SEMA5A: variants seen among roughly 807,000 people sequenced by gnomAD.
SEMA5A encodes semaphorin-5A.
In SEMA5A, 55 loss-of-function variants were observed where a neutral mutation model predicts 135.5. The ratio of observed to expected loss-of-function variants is 0.41; its 90% CI spans 0.33 to 0.51. The LOEUF is 0.51. Among genes scored for constraint, SEMA5A ranks in the 20% least tolerant of loss-of-function variants. The pLI is 0.37. For synonymous variants in SEMA5A, 580 were observed against 546.5 expected (o/e 1.06, Z -0.85); for missense variants, 1,290 against 1,419.9 (o/e 0.91, Z 1.47).
chr5:9,285,318 G>A (rs868397786), intron 5 of SEMA5A, among the ~76,000 whole-genome samples: 10 of 152,064 alleles, frequency 6.6e-5, no homozygotes, highest in African/African-American at 1.7e-4. Flanking sequence ...GTTATTCTCC[G>A]TAAATATCCC....
chr5:9,113,548 A>T (rs545573678), intron 15 of SEMA5A, among the ~76,000 whole-genome samples: 94 of 152,244 alleles, frequency 6.2e-4, no homozygotes, highest in Non-Finnish European at 9.6e-4. Context: ...TATTTTAAAC[A>T]ACATTTTGTA....
chr5:9,409,704 G>T (rs540931551), intron 2 of SEMA5A, among the ~76,000 whole-genome samples: 7 of 152,360 alleles, frequency 4.6e-5, no homozygotes, highest in Admixed American at 3.9e-4. Flanking sequence ...CTGAGGAGGT[G>T]TTGAGAATGA....
chr5:9,395,116 G>T (rs529332046), intron 2 of SEMA5A, among the ~76,000 whole-genome samples: 1 of 152,234 alleles, frequency 6.6e-6, no homozygotes, highest in Admixed American at 6.5e-5. Flanking sequence ...TACATTTAAA[G>T]GAAGGAGGTA....
At chr5:9,127,812 A>G (rs1741198147) in intron 13 of SEMA5A, among the ~76,000 whole-genome samples, 1 of 152,196 alleles carries the variant, frequency 6.6e-6, no homozygotes, top group Non-Finnish European at 1.5e-5. Flanking sequence ...GGAAATGACC[A>G]GGGAGGTTCC....
intron 11 of SEMA5A, among the ~76,000 whole-genome samples, chr5:9,180,398 C>A (rs1744438836): frequency 6.6e-6 from 1 of 152,016 alleles, no homozygotes; most frequent in Non-Finnish European, 1.5e-5. Context: ...TAATGTACCC[C>A]CTTCAGTTGA....
At chr5:9,234,354 A>C (rs770892161) in intron 6 of SEMA5A, among the ~76,000 whole-genome samples, 40 of 152,302 alleles carry the variant, frequency 2.6e-4, no homozygotes, top group Non-Finnish European at 4.4e-4. Context: ...CATCATGGTC[A>C]TTGTTCAGTT....
intron 2 of SEMA5A, among the ~76,000 whole-genome samples, chr5:9,395,250 G>A (rs376218065): frequency 1.1e-4 from 17 of 152,120 alleles, no homozygotes; most frequent in Admixed American, 7.2e-4. Context: ...GCTGCAGTAC[G>A]GAAAAGAAAA....
intron 18 of SEMA5A, among the ~76,000 whole-genome samples, chr5:9,056,444 G>T (rs1489213430): frequency 6.6e-6 from 1 of 152,164 alleles, no homozygotes; most frequent in African/African-American, 2.4e-5. Context: ...AACAGAGGCC[G>T]GGCATGGTGG....
intron 5 of SEMA5A, among the ~76,000 whole-genome samples, chr5:9,285,526 A>G (rs1033880667): frequency 6.6e-6 from 1 of 152,240 alleles, no homozygotes; most frequent in African/African-American, 2.4e-5. Context: ...AACACAAACT[A>G]TACTTGCCCC....
chr5:9,145,641 CTTT>C (rs36054284), intron 12 of SEMA5A, among the ~76,000 whole-genome samples: 5 of 117,528 alleles, frequency 4.3e-5, no homozygotes, highest in Admixed American at 9.5e-5. Flanking sequence ...AAGAAGAAAA[CTTT>C]TTTTTTTTTT....
At chr5:9,075,130 TTGAG>T (rs1737977669) in intron 16 of SEMA5A, among the ~76,000 whole-genome samples, 1 of 152,216 alleles carries the variant, frequency 6.6e-6, no homozygotes, top group South Asian at 2.1e-4. Context: ...AACCAAAAAG[TTGAG>T]TATTTCTAAG....
intron 5 of SEMA5A, among the ~76,000 whole-genome samples, chr5:9,300,712 A>G (rs1002001436): frequency 2.0e-5 from 3 of 152,210 alleles, no homozygotes; most frequent in African/African-American, 7.2e-5. Context: ...ATCCTGGATA[A>G]TCCTGGTGAA....
intron 11 of SEMA5A, among the ~76,000 whole-genome samples, chr5:9,188,874 A>G (rs1744945672): frequency 1.5e-5 from 2 of 131,126 alleles, no homozygotes; most frequent in South Asian, 5.1e-4. Flanking sequence ...TTCCCTGAAA[A>G]GCTTCTAGAG....
chr5:9,533,684 C>T (rs1183767630), intron 1 of SEMA5A, among the ~76,000 whole-genome samples: 2 of 152,210 alleles, frequency 1.3e-5, no homozygotes, highest in African/African-American at 4.8e-5. Context: ...TTCAAACATG[C>T]AGACTTTACA....
At chr5:9,044,319 C>CT in intron 22 of SEMA5A, 54 bp downstream of exon 22, 2 of 1,453,910 alleles carry the variant, frequency 1.4e-6, no homozygotes, top group Middle Eastern at 2.4e-4. Flanking sequence ...AAAATACTCC[C>CT]TACAAGTGTT....
chr5:9,175,211 C>T (rs1744139108), intron 11 of SEMA5A, among the ~76,000 whole-genome samples: 3 of 152,010 alleles, frequency 2.0e-5, no homozygotes, highest in Non-Finnish European at 2.9e-5. Flanking sequence ...GGTCAAGTTA[C>T]TCCCAAGCAG....
At chr5:9,145,936 C>T (rs1444077636) in intron 12 of SEMA5A, among the ~76,000 whole-genome samples, 1 of 152,022 alleles carries the variant, frequency 6.6e-6, no homozygotes, top group African/African-American at 2.4e-5. Context: ...TGAGCCACTG[C>T]ACCTGGCCAA....
intron 1 of SEMA5A, among the ~76,000 whole-genome samples, chr5:9,450,921 T>C (rs1758618966): frequency 6.6e-6 from 1 of 152,192 alleles, no homozygotes; most frequent in African/African-American, 2.4e-5. Context: ...CATCAACTGC[T>C]TTTTAGGTCT....
intron 13 of SEMA5A, among the ~76,000 whole-genome samples, chr5:9,128,366 T>A (rs1176427614): frequency 2.0e-5 from 3 of 152,202 alleles, no homozygotes; most frequent in Non-Finnish European, 4.4e-5. Context: ...GCAAGAGGTT[T>A]CTAGAAACTA....
Sources: allele counts gnomAD v4.1 joint callset (sites outside exome capture counted in the v4.1 genomes callset), GRCh38; gene constraint gnomAD v4.1.1; transcripts MANE v1.5; gene names NCBI Gene and HGNC (gene_info 2026-07-23, HGNC 2026-07-21).